The following OR1J2 variants were observed in gnomAD, a reference collection of about 807,000 sequenced individuals.
OR1J2 encodes olfactory receptor family 1 subfamily J member 2.
For missense variants in OR1J2, 304 were observed against 246.1 expected, an observed-to-expected ratio of 1.24 and a Z score of -1.57; for synonymous variants, 142 against 99.7, an observed-to-expected ratio of 1.42 and a Z score of -2.52.
At chr9:122,549,186 G>A in the OR1J2 span, among the ~76,000 whole-genome samples, 5 of 152,050 alleles carry the variant, frequency 3.3e-5, no homozygotes, top group East Asian at 1.9e-4. Context: ...TGCTCTCCCC[G>A]CAGTAATGAG....
chr9:122,520,172 A>G, the OR1J2 span: 5 of 883,038 alleles, frequency 5.7e-6, no homozygotes, highest in East Asian at 1.0e-4. Flanking sequence ...ATAAGTGCTC[A>G]GTAACTCTCT....
chr9:122,554,031 G>A, the OR1J2 span: 4 of 1,613,878 alleles, frequency 2.5e-6, no homozygotes, highest in Non-Finnish European at 3.4e-6. Context: ...TACAGAGAGG[G>A]AAAGTAGGGC....
the OR1J2 span, among the ~76,000 whole-genome samples, chr9:122,544,024 C>T: frequency 1.3e-5 from 2 of 152,126 alleles, no homozygotes; most frequent in Admixed American, 6.5e-5. Context: ...GAGGTGGCAG[C>T]TATTTCCTTT....
chr9:122,527,165 G>A, the OR1J2 span: 1 of 1,614,184 alleles, frequency 6.2e-7, no homozygotes, highest in South Asian at 1.1e-5. Flanking sequence ...TGGCCAGGAT[G>A]ATGAGCAGGT....
the OR1J2 span, chr9:122,477,163 A>G: frequency 6.2e-7 from 1 of 1,614,162 alleles, no homozygotes; most frequent in Admixed American, 1.7e-5. Context: ...GAGACCAATA[A>G]TTGTCCGATA....
chr9:122,503,758 C>G, the OR1J2 span, among the ~76,000 whole-genome samples: 2 of 152,186 alleles, frequency 1.3e-5, no homozygotes, highest in African/African-American at 4.8e-5. Flanking sequence ...TCACCAACAC[C>G]AAAGAATCCA....
chr9:122,476,930 A>C, the OR1J2 span: 3 of 980,634 alleles, frequency 3.1e-6, no homozygotes, highest in Admixed American at 3.7e-5. Flanking sequence ...CTGGTCTCGA[A>C]CTCCTGATCT....
chr9:122,448,998 G>A, the OR1J2 span: 3 of 144,890 alleles, frequency 2.1e-5, no homozygotes, highest in East Asian at 2.0e-4. Context: ...AAAAACAAGC[G>A]ATAATAAGTA....
the OR1J2 span, among the ~76,000 whole-genome samples, chr9:122,503,424 A>G: frequency 6.6e-6 from 1 of 152,224 alleles, no homozygotes; most frequent in Non-Finnish European, 1.5e-5. Flanking sequence ...TAGTTCATCC[A>G]TGGTGAGAGG....
At chr9:122,456,291 T>C in the OR1J2 span, among the ~76,000 whole-genome samples, 1 of 152,010 alleles carries the variant, frequency 6.6e-6, no homozygotes, top group South Asian at 2.1e-4. Context: ...CCTAGAAAGA[T>C]TGGAAGAGAT....
At chr9:122,542,522 A>C in the OR1J2 span, among the ~76,000 whole-genome samples, 1 of 152,190 alleles carries the variant, frequency 6.6e-6, no homozygotes, top group African/African-American at 2.4e-5. Flanking sequence ...ACATTGTATT[A>C]GAAAATTTTA....
chr9:122,552,073 T>TCACACACACACACATACA, the OR1J2 span, among the ~76,000 whole-genome samples: 45 of 142,472 alleles, frequency 3.2e-4, no homozygotes, highest in Middle Eastern at 3.5e-3. Flanking sequence ...TCTCTCTCTC[T>TCACACACACACACATACA]CTCTCTCACA....
At chr9:122,467,034 A>G in the OR1J2 span, among the ~76,000 whole-genome samples, 6 of 151,962 alleles carry the variant, frequency 3.9e-5, no homozygotes, top group Non-Finnish European at 7.4e-5. Flanking sequence ...TTGGGCTTCA[A>G]ACAACTGGTC....
At chr9:122,515,071 C>T (rs1828681094), downstream of OR1J2, among the ~76,000 whole-genome samples, 1 of 152,184 alleles carries the variant, frequency 6.6e-6, no homozygotes, top group South Asian at 2.1e-4. Flanking sequence ...TAATGCAAGT[C>T]TCTAACCGTG....
the OR1J2 span, chr9:122,527,157 G>A: frequency 4.3e-6 from 7 of 1,614,054 alleles, no homozygotes; most frequent in Non-Finnish European, 5.9e-6. Context: ...AGAGCCAATG[G>A]CCAGGATGAT....
chr9:122,482,712 A>G, the OR1J2 span, among the ~76,000 whole-genome samples: 1 of 152,172 alleles, frequency 6.6e-6, no homozygotes, highest in Non-Finnish European at 1.5e-5. Context: ...GTGTGGCAAC[A>G]TGGATGAACC....
At chr9:122,489,614 A>G in the OR1J2 span, among the ~76,000 whole-genome samples, 1 of 152,212 alleles carries the variant, frequency 6.6e-6, no homozygotes. Context: ...ATTGTTTTTC[A>G]ATAACCAATG....
chr9:122,567,805 T>C, the OR1J2 span: 2 of 1,613,950 alleles, frequency 1.2e-6, no homozygotes, highest in South Asian at 1.1e-5. Flanking sequence ...TTGAGAACTG[T>C]AGTGAGGATT....
chr9:122,562,049 T>C, the OR1J2 span, among the ~76,000 whole-genome samples: 1 of 151,988 alleles, frequency 6.6e-6, no homozygotes, highest in Non-Finnish European at 1.5e-5. Context: ...GTTGTTGGAG[T>C]TCCTGCAGGG....
Sources: allele counts gnomAD v4.1 joint callset (sites outside exome capture counted in the v4.1 genomes callset), GRCh38; gene constraint gnomAD v4.1.1; transcripts MANE v1.5; gene names NCBI Gene and HGNC (gene_info 2026-07-23, HGNC 2026-07-21).